Variants in PRIM2 observed in about 807,000 individuals in gnomAD.
PRIM2 encodes DNA primase large subunit.
Under a neutral mutation model 67.3 loss-of-function variants are expected in PRIM2, and 39 were observed. The ratio of observed to expected loss-of-function variants is 0.58; its 90% confidence interval spans 0.45 to 0.76. The LOEUF (loss-of-function observed/expected upper bound fraction) is 0.76. Ranked by LOEUF, PRIM2 falls within the 30% of genes least tolerant of loss-of-function variation. The pLI, the probability that PRIM2 is intolerant of heterozygous loss-of-function variation, is 0.00. For missense variants in PRIM2, 398 were observed against 598.7 expected, an observed-to-expected ratio of 0.66 and a Z score of 3.50; for synonymous variants, 143 against 198.7, an observed-to-expected ratio of 0.72 and a Z score of 2.36.
chr6:57,227,641 CAAAA>C, the PRIM2 span, among the ~76,000 whole-genome samples: 1 of 84,030 alleles, frequency 1.2e-5, no homozygotes, highest in African/African-American at 4.7e-5. Flanking sequence ...GAGACCATCT[CAAAA>C]AAAAAAAAAA....
chr6:57,229,819 T>C, the PRIM2 span, among the ~76,000 whole-genome samples: 1 of 152,190 alleles, frequency 6.6e-6, no homozygotes, highest in Non-Finnish European at 1.5e-5. Flanking sequence ...TGAACATAAT[T>C]ATTTTAGTCC....
In PRIM2 at chr6:57,379,897, T is replaced by A. The variant is rs1349314364; in HGVS notation, c.460-4T>A. On this transcript the variant is annotated splice_polypyrimidine_tract_variant and splice_region_variant and intron_variant, in intron 5 of 13. Coordinates refer to ENST00000615550, the MANE Select transcript of PRIM2 (RefSeq NM_000947.5). ...TTGTAACAGCTTAAAATATGTTTTT[T>A]TAGATAAGTGATGAAGAGAAGACTC... 6.5e-7 allele frequency: 1 copy of A among 1,535,436 alleles called. No individual in the cohort carries two copies. The highest frequency in any genetic ancestry group is 8.8e-7 in the Non-Finnish European group (1 of 1,142,604).
intron 8 of PRIM2, among the ~76,000 whole-genome samples, chr6:57,516,120 G>A (rs1370218176): frequency 6.6e-6 from 1 of 151,468 alleles, no homozygotes; most frequent in Non-Finnish European, 1.5e-5. Flanking sequence ...GTGTCACACT[G>A]CCTCCAACCT....
the PRIM2 span, among the ~76,000 whole-genome samples, chr6:57,285,647 C>T: frequency 6.6e-6 from 1 of 152,124 alleles, no homozygotes; most frequent in African/African-American, 2.4e-5. Context: ...CTATATATGA[C>T]AAAACCATAG....
chr6:57,551,555 C>T (rs1775403384), intron 10 of PRIM2, among the ~76,000 whole-genome samples: 1 of 152,034 alleles, frequency 6.6e-6, no homozygotes, highest in Admixed American at 6.6e-5. Flanking sequence ...CCTGCCTTTT[C>T]CTAGGGGACT....
intron 7 of PRIM2, among the ~76,000 whole-genome samples, chr6:57,437,385 T>C (rs1325441516): frequency 2.0e-5 from 3 of 152,214 alleles, no homozygotes; most frequent in Non-Finnish European, 4.4e-5. Flanking sequence ...TCATTATTTC[T>C]CCCTACCTTT....
rs12215453 is a variant in PRIM2 at position 57,373,336 on chromosome 6, A to G, written c.460-6565A>G. ...TTTTTCTTGTAAATTTGAGTTCCTTATAGATACTGGATATTAGACCTTTGT... is the reference window on the plus strand; with the variant it reads ...TTTTTCTTGTAAATTTGAGTTCCTTGTAGATACTGGATATTAGACCTTTGT... On this transcript the variant is annotated intron_variant, in intron 5 of 13. Coordinates refer to ENST00000615550, the MANE Select transcript of PRIM2 (RefSeq NM_000947.5). Among the ~76,000 whole-genome samples, 1,085 of 149,784 alleles carry G rather than the reference A, an allele frequency of 7.2e-3. 6 individuals are homozygous for G. Among genetic ancestry groups the G allele is most frequent in the Non-Finnish European group, 0.011 (733 of 67,580 alleles).
At chr6:57,455,086 T>C (rs1160044818) in intron 7 of PRIM2, among the ~76,000 whole-genome samples, 1 of 152,160 alleles carries the variant, frequency 6.6e-6, no homozygotes, top group Non-Finnish European at 1.5e-5. Context: ...TTCCATGTAG[T>C]TGAGCGGTTT....
At chr6:57,587,147 T>G (rs1207948588) in intron 10 of PRIM2, 1 of 152,190 alleles carries the variant, frequency 6.6e-6, no homozygotes. Flanking sequence ...CTTAAAGTAT[T>G]CAGTGTCCTA....
chr6:57,362,230 C>T (rs1193490635), intron 5 of PRIM2, among the ~76,000 whole-genome samples: 1 of 152,114 alleles, frequency 6.6e-6, no homozygotes, highest in Non-Finnish European at 1.5e-5. Context: ...AGCTGGTATT[C>T]TACCATCCAT....
At position 57,360,314 on chromosome 6, in the gene PRIM2, G is replaced by A. The variant is rs554792354; in HGVS notation, c.460-19587G>A. On this transcript the variant is annotated intron_variant, in intron 5 of 13. Transcript: ENST00000615550. ...ACATTATACAGGCTTCTTAATTTTT[G>A]TATGCCATTTCTAAATGGTTGCAGA... Among the ~76,000 whole-genome samples, 274 of 152,238 alleles carry A rather than the reference G, an allele frequency of 1.8e-3. 3 individuals are homozygous for A. Among genetic ancestry groups the A allele is most frequent in the African/African-American group, 6.2e-3 (258 of 41,552 alleles).
chr6:57,539,003 G>A (rs1409132047), intron 10 of PRIM2, among the ~76,000 whole-genome samples: 1 of 152,108 alleles, frequency 6.6e-6, no homozygotes, highest in African/African-American at 2.4e-5. Flanking sequence ...CGTGTGTGTA[G>A]CTATATACTT....
intron 5 of PRIM2, among the ~76,000 whole-genome samples, chr6:57,340,304 C>T (rs1168037559): frequency 6.6e-6 from 1 of 152,160 alleles, no homozygotes; most frequent in Non-Finnish European, 1.5e-5. Context: ...GTGGCGATTC[C>T]TCAGGGATCT....
intron 7 of PRIM2, among the ~76,000 whole-genome samples, chr6:57,418,383 G>GGTTTTTTTTTTTTTTTTTTTTTTTTT (rs1554336216): frequency 2.1e-5 from 1 of 47,234 alleles, no homozygotes; most frequent in African/African-American, 6.5e-5. Flanking sequence ...TATGTGTGTG[G>GGTTTTTTTTTTTTTTTTTTTTTTTTT]TTTTTTTTTT....
chr6:57,374,872 C>T (rs1479245450), intron 5 of PRIM2, among the ~76,000 whole-genome samples: 5 of 152,226 alleles, frequency 3.3e-5, no homozygotes, highest in African/African-American at 9.7e-5. Flanking sequence ...AGGTATGAGC[C>T]ACCTCACTCA....
intron 7 of PRIM2, among the ~76,000 whole-genome samples, chr6:57,452,628 G>A (rs1234981298): frequency 6.6e-6 from 1 of 152,258 alleles, no homozygotes; most frequent in East Asian, 1.9e-4. Context: ...TGTTGATGGG[G>A]TTGTTTGTTT....
intron 10 of PRIM2, among the ~76,000 whole-genome samples, chr6:57,570,482 G>T (rs1235729159): frequency 5.3e-4 from 81 of 152,156 alleles, no homozygotes; most frequent in African/African-American, 1.8e-3. Flanking sequence ...TCTATATGCT[G>T]CTGGCTTTCT....
At chr6:57,237,149 A>C in the PRIM2 span, among the ~76,000 whole-genome samples, 10 of 151,648 alleles carry the variant, frequency 6.6e-5, no homozygotes, top group African/African-American at 2.4e-4. Context: ...TTTGATTTGC[A>C]TTTCTCTGAT....
At chr6:57,376,618 G>T (rs543412501) in intron 5 of PRIM2, among the ~76,000 whole-genome samples, 1 of 152,182 alleles carries the variant, frequency 6.6e-6, no homozygotes, top group African/African-American at 2.4e-5. Flanking sequence ...ATTTGGGATT[G>T]TATTGAATCT....
Sources: gnomAD v4.1 joint callset for allele counts (sites outside exome capture counted in the v4.1 genomes callset) on GRCh38, gnomAD v4.1.1 for gene constraint, MANE v1.5 for transcripts, NCBI Gene and HGNC (gene_info 2026-07-23, HGNC 2026-07-21) for gene names.